The following VWA8 variants were observed in gnomAD, a reference collection of about 807,000 sequenced individuals.
VWA8 encodes von Willebrand factor A domain-containing protein 8.
In VWA8, 221 loss-of-function variants were observed where a neutral mutation model predicts 241.5. The ratio of observed to expected loss-of-function variants is 0.91; its 90% CI spans 0.82 to 1.02. The LOEUF (loss-of-function observed/expected upper bound fraction) is 1.02, where lower values mean the gene tolerates loss of function less well. Among genes scored for constraint, VWA8 ranks in the 50% least tolerant of loss-of-function variants. The pLI, the probability that VWA8 is intolerant of heterozygous loss-of-function variation, is 0.00. For synonymous variants in VWA8, 852 were observed against 827.1 expected, an observed-to-expected ratio of 1.03 and a Z score of -0.52; for missense variants, 2,322 against 2,328.7, an observed-to-expected ratio of 1.00 and a Z score of 0.06.
At chr13:41,662,350 C>G (rs1207689383) in intron 37 of VWA8, among the ~76,000 whole-genome samples, 3 of 152,038 alleles carry the variant, frequency 2.0e-5, no homozygotes, top group Non-Finnish European at 4.4e-5. Flanking sequence ...ACATCCTGCA[C>G]AAGTCTTATT....
chr13:41,887,607 T>C (rs1432880114), intron 5 of VWA8, among the ~76,000 whole-genome samples: 3 of 152,130 alleles, frequency 2.0e-5, no homozygotes, highest in African/African-American at 7.2e-5. Context: ...TAAAGGAGAC[T>C]TGGGTCAGAT....
chr13:41,645,929 T>A (rs2044829008), intron 37 of VWA8, among the ~76,000 whole-genome samples: 1 of 152,154 alleles, frequency 6.6e-6, no homozygotes, highest in African/African-American at 2.4e-5. Context: ...GTATATGATT[T>A]TTCTTCTCAC....
At position 41,699,287 on chromosome 13, in the gene VWA8, G is replaced by T; in HGVS notation, c.3365-17C>A. The T allele has an allele frequency of 6.2e-7, 1 of 1,612,798 alleles. No homozygotes were observed. Among genetic ancestry groups the T allele is most frequent in the East Asian group, 2.2e-5 (1 of 44,850 alleles). On this transcript the variant is annotated splice_polypyrimidine_tract_variant and intron_variant, in intron 28 of 44. Transcript: ENST00000379310. ...GCTCATTTTCTGAAATGACAAAAAGGTGTTAATTTTGTGGCTGGCAACCAA... is the reference window on the plus strand; with the variant it reads ...GCTCATTTTCTGAAATGACAAAAAGTTGTTAATTTTGTGGCTGGCAACCAA...
chr13:41,747,466 T>C (rs1422167467), intron 21 of VWA8, among the ~76,000 whole-genome samples: 6 of 152,252 alleles, frequency 3.9e-5, no homozygotes, highest in African/African-American at 2.4e-5. Context: ...GAGACTTTGC[T>C]GAAGTTGTCC....
intron 20 of VWA8, among the ~76,000 whole-genome samples, chr13:41,770,722 A>C (rs932549678): frequency 6.6e-6 from 1 of 151,994 alleles, no homozygotes; most frequent in Non-Finnish European, 1.5e-5. Context: ...TCAGGGATAG[A>C]GAAGGCATCC....
intron 2 of VWA8, among the ~76,000 whole-genome samples, chr13:41,921,020 C>A (rs141498945): frequency 3.3e-5 from 5 of 152,252 alleles, no homozygotes; most frequent in Non-Finnish European, 4.4e-5. Flanking sequence ...TGATGAACAT[C>A]GATGCAAAAA....
rs28784707 is a variant in VWA8 at position 41,922,776 on chromosome 13, T to C, written c.242-10608A>G. Among the ~76,000 whole-genome samples, 257 of 152,242 alleles carry C rather than the reference T, an allele frequency of 1.7e-3. 2 individuals carry two copies. The highest frequency in any genetic ancestry group is 5.7e-3 in the African/African-American group (236 of 41,562). On this transcript the variant is annotated intron_variant, in intron 2 of 44. Coordinates refer to ENST00000379310, the MANE Select transcript of VWA8 (RefSeq NM_015058.2). ...GTTAGAATGGCAATCATTAAAAAGTTAGGAAACAACAGGTTCTAGAGAGGA... is the reference window on the plus strand; with the variant it reads ...GTTAGAATGGCAATCATTAAAAAGTCAGGAAACAACAGGTTCTAGAGAGGA...
chr13:41,635,089 A>G (rs762087996), intron 37 of VWA8, among the ~76,000 whole-genome samples: 1 of 152,226 alleles, frequency 6.6e-6, no homozygotes, highest in Non-Finnish European at 1.5e-5. Context: ...ATGCAATTCA[A>G]GTACACTGTG....
chr13:41,699,426 T>C (rs1005506020), intron 28 of VWA8, among the ~76,000 whole-genome samples, 156 bp from the exon 29 acceptor site: 1 of 152,182 alleles, frequency 6.6e-6, no homozygotes, highest in Admixed American at 6.5e-5. Context: ...GAAAAGACCA[T>C]GAGAAACAAC....
chr13:41,592,772 T>A (rs2044464841), intron 40 of VWA8, among the ~76,000 whole-genome samples: 1 of 151,512 alleles, frequency 6.6e-6, no homozygotes, highest in Non-Finnish European at 1.5e-5. Flanking sequence ...TCAGCCTGGT[T>A]CTAACTGTTC....
chr13:41,945,162 C>T (rs1877793398), intron 2 of VWA8, among the ~76,000 whole-genome samples: 1 of 152,050 alleles, frequency 6.6e-6, no homozygotes, highest in South Asian at 2.1e-4. Context: ...CAGCAAAAGC[C>T]AAGAGACTTA....
chr13:41,939,200 G>A (rs1877483290), intron 2 of VWA8, among the ~76,000 whole-genome samples: 1 of 152,188 alleles, frequency 6.6e-6, no homozygotes, highest in East Asian at 1.9e-4. Context: ...CAGGTTGAAA[G>A]TTATCTATTG....
At chr13:41,823,264 CA>C (rs1871039036) in intron 14 of VWA8, among the ~76,000 whole-genome samples, 1 of 151,978 alleles carries the variant, frequency 6.6e-6, no homozygotes, top group Non-Finnish European at 1.5e-5. Context: ...GGATTGTGCT[CA>C]AATGTCCAGT....
intron 14 of VWA8, among the ~76,000 whole-genome samples, chr13:41,820,709 A>T (rs538789736): frequency 6.6e-6 from 1 of 152,228 alleles, no homozygotes; most frequent in Non-Finnish European, 1.5e-5. Flanking sequence ...ACAGTGCCTG[A>T]AAGTCCAGAG....
intron 13 of VWA8, 41 bp downstream of exon 13, chr13:41,833,330 G>C (rs1393866900): frequency 1.3e-6 from 2 of 1,558,746 alleles, no homozygotes; most frequent in Non-Finnish European, 1.7e-6. Flanking sequence ...AAGTCAGAGT[G>C]GGGTGTGTGT....
intron 30 of VWA8, 22 bp downstream of exon 30, chr13:41,692,840 G>A: frequency 6.4e-7 from 1 of 1,572,966 alleles, no homozygotes; most frequent in Non-Finnish European, 8.7e-7. Context: ...GCAATTTGTG[G>A]GACAAATGTG....
At chr13:41,750,886 TA>T (rs72030945) in intron 21 of VWA8, among the ~76,000 whole-genome samples, 31,459 of 143,804 alleles carry the variant, frequency 0.22, 3,184 homozygotes, top group Middle Eastern at 0.26. Flanking sequence ...ACATATTTGA[TA>T]AAAAAAAAAA....
chr13:41,777,202 A>G (rs1868636908), intron 20 of VWA8, among the ~76,000 whole-genome samples: 1 of 152,200 alleles, frequency 6.6e-6, no homozygotes, highest in Non-Finnish European at 1.5e-5. Flanking sequence ...CCTGCTCTCA[A>G]GGGACATATA....
intron 12 of VWA8, among the ~76,000 whole-genome samples, chr13:41,857,171 T>G (rs749110568): frequency 6.6e-6 from 1 of 152,192 alleles, no homozygotes; most frequent in South Asian, 2.1e-4. Context: ...AAAGATTTTT[T>G]AAATGTGATA....
Sources: allele counts gnomAD v4.1 joint callset (sites outside exome capture counted in the v4.1 genomes callset), GRCh38; gene constraint gnomAD v4.1.1; transcripts MANE v1.5; gene names NCBI Gene and HGNC (gene_info 2026-07-23, HGNC 2026-07-21).